Variants in SOX6 observed in about 807,000 individuals in gnomAD.
SOX6 encodes transcription factor SOX-6.
SOX6 carries 11 observed loss-of-function variants against 97.8 expected under a neutral mutation model. The observed-to-expected ratio is 0.11, with a 90% CI of 0.07 to 0.19. SOX6 has a LOEUF of 0.19. SOX6 is among the 10% of genes least tolerant of loss of function. The pLI is 1.00. For missense variants in SOX6, 810 were observed against 1,039.5 expected, an observed-to-expected ratio of 0.78 and a Z score of 3.04; for synonymous variants, 360 against 371.4, an observed-to-expected ratio of 0.97 and a Z score of 0.35.
At chr11:16,297,545 CAG>C (rs1855133088) in intron 3 of SOX6, among the ~76,000 whole-genome samples, 1 of 152,116 alleles carries the variant, frequency 6.6e-6, no homozygotes, top group Non-Finnish European at 1.5e-5. Context: ...TGGCAGAAAG[CAG>C]AGAGTGGCTT....
At chr11:16,258,938 ACT>A (rs1467958727) in intron 3 of SOX6, among the ~76,000 whole-genome samples, 1 of 151,566 alleles carries the variant, frequency 6.6e-6, no homozygotes, top group Non-Finnish European at 1.5e-5. Flanking sequence ...ATGTATAGAA[ACT>A]CTCTGTACTT....
intron 3 of SOX6, among the ~76,000 whole-genome samples, chr11:16,686,146 C>A (rs1847967590): frequency 6.6e-6 from 1 of 152,232 alleles, no homozygotes; most frequent in Non-Finnish European, 1.5e-5. Context: ...CCACAAAGGT[C>A]TCTGAAATGC....
At chr11:16,465,996 T>C (rs974071133) in intron 1 of SOX6, among the ~76,000 whole-genome samples, 1 of 152,190 alleles carries the variant, frequency 6.6e-6, no homozygotes, top group Non-Finnish European at 1.5e-5. Flanking sequence ...ATAACAAGCA[T>C]TACATCACAT....
At chr11:16,299,478 A>C (rs565886476) in intron 3 of SOX6, among the ~76,000 whole-genome samples, 2 of 152,280 alleles carry the variant, frequency 1.3e-5, no homozygotes, top group Admixed American at 6.5e-5. Context: ...ATTGCTTCCC[A>C]AAATCTGAAA....
intron 1 of SOX6, among the ~76,000 whole-genome samples, chr11:16,461,699 G>A (rs989636643): frequency 6.6e-6 from 1 of 151,924 alleles, no homozygotes; most frequent in East Asian, 1.9e-4. Flanking sequence ...CCTCTTAAAG[G>A]GATATATATC....
chr11:16,215,144 C>T (rs1189156520), intron 4 of SOX6, among the ~76,000 whole-genome samples: 2 of 152,102 alleles, frequency 1.3e-5, no homozygotes, highest in East Asian at 3.9e-4. Context: ...AAACACTTGT[C>T]ATTTCATGAG....
intron 4 of SOX6, among the ~76,000 whole-genome samples, chr11:16,197,405 T>C (rs765006538): frequency 2.0e-5 from 3 of 152,190 alleles, no homozygotes; most frequent in Non-Finnish European, 4.4e-5. Flanking sequence ...TATATAATCA[T>C]AGATAGCTCA....
chr11:16,093,482 T>C (rs1213031866), intron 9 of SOX6, among the ~76,000 whole-genome samples: 1 of 152,012 alleles, frequency 6.6e-6, no homozygotes, highest in Non-Finnish European at 1.5e-5. Flanking sequence ...ATACTTAATA[T>C]ATACCAAATG....
At chr11:16,223,409 A>G (rs1280309262) in intron 4 of SOX6, among the ~76,000 whole-genome samples, 1 of 152,146 alleles carries the variant, frequency 6.6e-6, no homozygotes, top group Non-Finnish European at 1.5e-5. Flanking sequence ...ATTCTAAGTT[A>G]TAGAAGTTCT....
chr11:16,415,215 A>G (rs1257656078), intron 1 of SOX6, among the ~76,000 whole-genome samples: 1 of 152,152 alleles, frequency 6.6e-6, no homozygotes, highest in East Asian at 1.9e-4. Flanking sequence ...AAAAATATCT[A>G]GGCCCCTACA....
chr11:16,259,973 G>GTGTGTA (rs71044090), intron 3 of SOX6, among the ~76,000 whole-genome samples: 59 of 145,276 alleles, frequency 4.1e-4, no homozygotes, highest in African/African-American at 7.7e-4. Context: ...GTGTGTGTGT[G>GTGTGTA]TATATATACA....
chr11:16,238,502 G>C (rs1028841337), intron 3 of SOX6, among the ~76,000 whole-genome samples: 4 of 152,074 alleles, frequency 2.6e-5, no homozygotes, highest in African/African-American at 9.7e-5. Flanking sequence ...TGAAAAGAAA[G>C]AGTATGTGAG....
intron 7 of SOX6, 22 bp downstream of exon 7, chr11:16,111,781 T>C: frequency 6.2e-7 from 1 of 1,612,852 alleles, no homozygotes. Flanking sequence ...TGGAAAAGAA[T>C]GTTAAATCCC....
chr11:16,225,478 C>CA (rs11307642), intron 4 of SOX6, among the ~76,000 whole-genome samples: 65,661 of 127,628 alleles, frequency 0.51, 16,269 homozygotes, highest in Non-Finnish European at 0.58. Context: ...AATTGCTATT[C>CA]AAAAAAAAAA....
At chr11:16,425,028 A>T (rs1243808198) in intron 1 of SOX6, among the ~76,000 whole-genome samples, 1 of 152,258 alleles carries the variant, frequency 6.6e-6, no homozygotes, top group East Asian at 1.9e-4. Context: ...CTACTATGGA[A>T]GTTAGCCACT....
chr11:16,132,652 A>T (rs1023667212), intron 6 of SOX6, among the ~76,000 whole-genome samples: 1 of 151,238 alleles, frequency 6.6e-6, no homozygotes, highest in Non-Finnish European at 1.5e-5. Context: ...TCCATTGGGA[A>T]GTCTGGGCTC....
intron 1 of SOX6, among the ~76,000 whole-genome samples, chr11:16,471,135 G>A (rs765135198): frequency 6.0e-5 from 9 of 149,438 alleles, no homozygotes; most frequent in Non-Finnish European, 8.9e-5. Flanking sequence ...AAAATTAAAC[G>A]GTCAGAATTA....
intron 4 of SOX6, among the ~76,000 whole-genome samples, chr11:16,577,925 T>C (rs1235335969): frequency 6.6e-6 from 1 of 152,194 alleles, no homozygotes; most frequent in African/African-American, 2.4e-5. Context: ...AGTTTTACAT[T>C]TTGATGTCCA....
intron 1 of SOX6, among the ~76,000 whole-genome samples, chr11:16,429,347 A>T (rs1393559686): frequency 6.6e-6 from 1 of 152,172 alleles, no homozygotes; most frequent in African/African-American, 2.4e-5. Flanking sequence ...AGGAATATAA[A>T]TTGTTCTATT....
Sources: gnomAD v4.1 joint callset for allele counts (sites outside exome capture counted in the v4.1 genomes callset) on GRCh38, gnomAD v4.1.1 for gene constraint, MANE v1.5 for transcripts, NCBI Gene and HGNC (gene_info 2026-07-23, HGNC 2026-07-21) for gene names.